DEPDC1: variants seen among roughly 807,000 people sequenced by gnomAD.
The protein encoded by DEPDC1 is DEP domain containing 1, also known as DEP domain-containing protein 1A.
In DEPDC1, 66 loss-of-function variants were observed where a neutral mutation model predicts 86.8. That is an observed-to-expected ratio of 0.76 (90% CI 0.62 to 0.93). DEPDC1 has a LOEUF of 0.93. Among genes scored for constraint, DEPDC1 ranks in the 40% least tolerant of loss-of-function variants. The pLI is 0.00. For synonymous variants in DEPDC1, 255 were observed against 314.9 expected, an observed-to-expected ratio of 0.81 and a Z score of 2.02; for missense variants, 792 against 935.7, an observed-to-expected ratio of 0.85 and a Z score of 2.00.
intron 8 of DEPDC1, 57 bp from the exon 9 acceptor site, chr1:68,481,669 TACC>T (rs1235470473): frequency 7.6e-7 from 1 of 1,314,572 alleles, no homozygotes; most frequent in Non-Finnish European, 1.0e-6. Flanking sequence ...GCTTTCATAC[TACC>T]AGTATATACA....
chr1:68,484,131 T>A (rs764024740), intron 6 of DEPDC1, 41 bp from the exon 7 acceptor site: 18 of 1,392,986 alleles, frequency 1.3e-5, no homozygotes, highest in Non-Finnish European at 1.7e-5. Context: ...AAGTATATTT[T>A]AATTTAAATA....
At chr1:68,495,449 T>A (rs1217860495) in intron 1 of DEPDC1, among the ~76,000 whole-genome samples, 1 of 152,164 alleles carries the variant, frequency 6.6e-6, no homozygotes, top group Non-Finnish European at 1.5e-5. Flanking sequence ...ATTTTTCACA[T>A]AAGGAAAATA....
In DEPDC1 at chr1:68,494,709, G is replaced by T; in HGVS notation, c.49-14C>A. On this transcript the variant is annotated splice_polypyrimidine_tract_variant and intron_variant, in intron 1 of 11. Transcript: ENST00000456315. ...AACTTCATTCCACTGTAAAAAGAAG[G>T]AAAATATTTTTAAAAAATTGAAGAA... The T allele has an allele frequency of 6.3e-7, 1 of 1,586,238 alleles. No individual in the cohort carries two copies. The highest frequency in any genetic ancestry group is 1.1e-5 in the South Asian group (1 of 87,032).
At chr1:68,491,423 A>G (rs1646228085) in intron 2 of DEPDC1, among the ~76,000 whole-genome samples, 1 of 152,230 alleles carries the variant, frequency 6.6e-6, no homozygotes, top group African/African-American at 2.4e-5. Context: ...AAAAAGTTCA[A>G]TATTACTGAT....
At position 68,482,313 on chromosome 1, in the gene DEPDC1, T is replaced by C. The variant is rs752513468; in HGVS notation, c.1495A>G (p.Asn499Asp). 1.2e-6 allele frequency: 2 copies of C among 1,612,754 alleles called. No individual in the cohort carries two copies. Among genetic ancestry groups the C allele is most frequent in the South Asian group, 2.2e-5 (2 of 91,060 alleles). ...AGCTGTTTTGACTTGCATTTCCCATTACACAACTCCTCTTGGTCTTGAACA... is the reference window on the plus strand; with the variant it reads ...AGCTGTTTTGACTTGCATTTCCCATCACACAACTCCTCTTGGTCTTGAACA... ...LTVQDQEELCNGKCKSKQLCR... is the reference protein window; with the variant it reads ...LTVQDQEELCDGKCKSKQLCR... The change falls in exon 8 of 12, where the codon AAT becomes GAT. Residue 499 changes from asparagine to aspartate, a missense_variant. Transcript: ENST00000456315.
intron 9 of DEPDC1, among the ~76,000 whole-genome samples, chr1:68,480,842 A>C (rs1408616199): frequency 6.6e-6 from 1 of 151,912 alleles, no homozygotes; most frequent in African/African-American, 2.4e-5. Context: ...TTGAAGTTGC[A>C]TTTTGAGGAA....
Position 68,476,902 on chromosome 1 carries a change from C to T in DEPDC1, c.*30G>A. 1 of 1,505,150 alleles carries T rather than the reference C, an allele frequency of 6.6e-7. No homozygotes were observed. The highest frequency in any genetic ancestry group is 9.0e-7 in the Non-Finnish European group (1 of 1,117,096). The allele number at this position is 1,505,150 out of a possible 1,614,324, so 93.2% of individuals were successfully genotyped here. A position where few individuals can be genotyped will look rare whatever the true frequency, so the allele number is the denominator to read the frequency against. ...TATGGCTTCATTTATCAAAGTTCCA[C>T]AAGTATTACATAATTTTTAATTCAG... On this transcript the variant is annotated 3_prime_UTR_variant, in exon 12 of 12. Transcript: ENST00000456315.
In DEPDC1 at chr1:68,484,056, A is replaced by AT. The variant is rs762710239; in HGVS notation, c.803dup (p.Tyr268Ter). ...PRSNDMNNPT[Y>*]VGFERDVFRT... ...TGAATACATCTCGTTCAAATCCAAC[A>AT]TAAGTTGGATTATTCATATCATTGC... The change falls in exon 7 of 12, where the codon TAT (tyrosine) becomes TAAT (stop). Residue 268 changes from tyrosine to a stop codon, truncating the protein, a stop_gained and frameshift_variant. Transcript: ENST00000456315. LOFTEE classifies it high-confidence loss of function. 1.7e-5 allele frequency: 27 copies of AT among 1,583,266 alleles called. No individual in the cohort carries two copies. The highest frequency in any genetic ancestry group is 1.5e-5 in the Non-Finnish European group (18 of 1,167,256).
chr1:68,483,268 G>A, intron 7 of DEPDC1: 1 of 522,318 alleles, frequency 1.9e-6, no homozygotes, highest in Non-Finnish European at 3.8e-6. Context: ...CTTTGTCCTT[G>A]GTACCTGGTA....
rs190318791 is a variant in DEPDC1, at chr1:68,487,033, T to C, written c.722-49A>G. 274 of 1,536,112 alleles carry C rather than the reference T, an allele frequency of 1.8e-4. 1 individual carries two copies. In the Middle Eastern group the frequency reaches 2.6e-3, roughly 15 times the overall value. On this transcript the variant is annotated intron_variant, in intron 5 of 11. Coordinates refer to ENST00000456315, the MANE Select transcript of DEPDC1 (RefSeq NM_001114120.3). Reference sequence around the variant, plus strand: ...TAAGTAAACCATACATTTTTTATGATAGTATATTTTAAAATATCACACTTA... The same window carrying C: ...TAAGTAAACCATACATTTTTTATGACAGTATATTTTAAAATATCACACTTA...
At position 68,477,856 on chromosome 1, in the gene DEPDC1, T is replaced by C; in HGVS notation, c.2229A>G (p.Ala743=). ...QKVSTSQAAI[A]ELLENIIKNR... ...TTTTAATAATATTTTCTAAAAGTTC[T>C]GCAATTGCAGCTTGAGAGGTAGAAA... Residue 743 remains alanine, a synonymous_variant, in exon 11 of 12, where the codon GCA becomes GCG. Coordinates refer to ENST00000456315, the MANE Select transcript of DEPDC1 (RefSeq NM_001114120.3). 6.3e-7 allele frequency: 1 copy of C among 1,586,826 alleles called. No individual in the cohort carries two copies. The highest frequency in any genetic ancestry group is 8.6e-7 in the Non-Finnish European group (1 of 1,165,948).
At chr1:68,485,112 G>C (rs1646184516) in intron 6 of DEPDC1, among the ~76,000 whole-genome samples, 1 of 150,920 alleles carries the variant, frequency 6.6e-6, no homozygotes, top group African/African-American at 2.4e-5. Context: ...CCAAACTTTT[G>C]TATGGACACA....
intron 11 of DEPDC1, among the ~76,000 whole-genome samples, 183 bp downstream of exon 11, chr1:68,477,604 A>G (rs1310773731): frequency 6.6e-6 from 1 of 151,872 alleles, no homozygotes; most frequent in Admixed American, 6.6e-5. Context: ...GAGCAAAATC[A>G]GGTAGGTACT....
intron 9 of DEPDC1, among the ~76,000 whole-genome samples, chr1:68,480,892 T>C (rs1646150692): frequency 1.3e-5 from 2 of 152,002 alleles, no homozygotes; most frequent in South Asian, 4.1e-4. Context: ...AAAGATACTA[T>C]TTCAAGAGTT....
At chr1:68,479,056 A>G (rs1646136064) in intron 10 of DEPDC1, 88 bp downstream of exon 10, 1 of 1,164,026 alleles carries the variant, frequency 8.6e-7, no homozygotes, top group African/African-American at 1.6e-5. Context: ...GAGCTGATAA[A>G]GTCTCCCTTT....
chr1:68,477,055 A>C lies in DEPDC1; in HGVS notation c.2313T>G (p.Tyr771Ter), dbSNP rs375812118. 6.2e-7 allele frequency: 1 copy of C among 1,601,678 alleles called. No homozygotes were observed. The highest frequency in any genetic ancestry group is 1.3e-5 in the African/African-American group (1 of 74,366). The change falls in exon 12 of 12, where the codon TAT (tyrosine) becomes TAG (stop). Residue 771 changes from tyrosine to a stop codon, truncating the protein, a stop_gained. Transcript: ENST00000456315. LOFTEE classifies it high-confidence loss of function. The part of the protein sequence containing the change: ...RKKLKQFQKE[Y>*]PLIYQKRFPT... ...GAAATCTTTTCTGATATATCAAAGG[A>C]TATTCCTTCTGAAACTTAAAAATGA...
In DEPDC1 at chr1:68,479,322, T is replaced by C. The variant is rs1472745130; in HGVS notation, c.1936-2A>G. On this transcript the variant is annotated splice_acceptor_variant, in intron 9 of 11. Coordinates refer to ENST00000456315, the MANE Select transcript of DEPDC1 (RefSeq NM_001114120.3). LOFTEE classifies it high-confidence loss of function. ...ACATCGAGAAAAGGTATGTATCATC[T>C]AGAAAAATATTAAAAGATGTGAATT... 3 of 1,566,150 alleles carry C rather than the reference T, an allele frequency of 1.9e-6. No individual in the cohort carries two copies. The highest frequency in any genetic ancestry group is 1.9e-5 in the Admixed American group (1 of 51,342).
At chr1:68,481,893 C>G (rs1646158421) in intron 8 of DEPDC1, 153 bp downstream of exon 8, 2 of 781,542 alleles carry the variant, frequency 2.6e-6, no homozygotes. Flanking sequence ...CAGAATAAAT[C>G]TTGGTTATGT....
intron 5 of DEPDC1, among the ~76,000 whole-genome samples, chr1:68,487,511 G>T (rs1646200656): frequency 6.6e-6 from 1 of 151,774 alleles, no homozygotes; most frequent in African/African-American, 2.4e-5. Context: ...TTTTACACAG[G>T]GTTACAAAGA....
Sources: allele counts gnomAD v4.1 joint callset (sites outside exome capture counted in the v4.1 genomes callset), GRCh38; gene constraint gnomAD v4.1.1; transcripts MANE v1.5; gene names NCBI Gene and HGNC (gene_info 2026-07-23, HGNC 2026-07-21).